The following LMBRD2 variants were observed in gnomAD, a reference collection of about 807,000 sequenced individuals.
LMBRD2 encodes the protein G protein-coupled receptor-associated protein LMBRD2.
A neutral mutation model predicts 94.4 loss-of-function variants in LMBRD2; 55 were observed. The observed-to-expected ratio is 0.58, with a 90% CI of 0.47 to 0.73. The LOEUF (loss-of-function observed/expected upper bound fraction) is 0.73, where lower values mean the gene tolerates loss of function less well. Ranked by LOEUF, LMBRD2 falls within the 30% of genes least tolerant of loss-of-function variation. The probability of loss-of-function intolerance (pLI) is 0.00; values close to 1 mark genes in which losing one functional copy is unlikely to be tolerated. For missense variants in LMBRD2, 640 were observed against 831.9 expected (o/e 0.77, Z 2.84); for synonymous variants, 246 against 272.4 (o/e 0.90, Z 0.95).
chr5:36,122,359 A>G lies in LMBRD2; in HGVS notation c.1041T>C (p.Ala347=). 1 of 1,612,582 alleles carries G rather than the reference A, an allele frequency of 6.2e-7. No individual in the cohort carries two copies. Among genetic ancestry groups the G allele is most frequent in the East Asian group, 2.2e-5 (1 of 44,808 alleles). The change falls in exon 9 of 18, where the codon GCT becomes GCC. Residue 347 remains alanine (A), a synonymous_variant. Transcript: ENST00000296603. ...GAAAGGTGTGAACAAACTGATGAGT[A>G]GCACTAGTTTCATTTTTTGCTACAT... ...LEDVAKNETS[A]THQFVHTFQS...
At chr5:36,130,003 C>G (rs1036611947) in intron 6 of LMBRD2, among the ~76,000 whole-genome samples, 2 of 151,838 alleles carry the variant, frequency 1.3e-5, no homozygotes, top group African/African-American at 2.4e-5. Flanking sequence ...CACATGGACA[C>G]AGGAAGGGGA....
At chr5:36,146,095 T>C (rs1355208795) in intron 1 of LMBRD2, among the ~76,000 whole-genome samples, 1 of 152,218 alleles carries the variant, frequency 6.6e-6, no homozygotes, top group African/African-American at 2.4e-5. Context: ...GGGTTGTAGA[T>C]GAAGAAATAG....
At chr5:36,115,643 AT>A (rs537785105) in intron 11 of LMBRD2, among the ~76,000 whole-genome samples, 7 of 152,302 alleles carry the variant, frequency 4.6e-5, no homozygotes, top group Admixed American at 3.9e-4. Flanking sequence ...TTAAAAAAAA[AT>A]AATATGAGAT....
chr5:36,124,544 A>G (rs189732330), intron 6 of LMBRD2, among the ~76,000 whole-genome samples: 1 of 152,338 alleles, frequency 6.6e-6, no homozygotes, highest in East Asian at 1.9e-4. Flanking sequence ...AAAAGTCCAC[A>G]AAAGATCAGA....
chr5:36,123,694 A>G (rs1743940116), intron 7 of LMBRD2, among the ~76,000 whole-genome samples: 1 of 150,276 alleles, frequency 6.7e-6, no homozygotes, highest in African/African-American at 2.4e-5. Flanking sequence ...AATATAGTTA[A>G]GTTTATTATA....
chr5:36,111,313 T>C, intron 13 of LMBRD2, 55 bp from the exon 14 acceptor site: 1 of 1,161,646 alleles, frequency 8.6e-7, no homozygotes, highest in Non-Finnish European at 1.3e-6. Context: ...TGTAAATATT[T>C]AGATGAATTG....
chr5:36,104,326 C>T (rs1212431631), intron 17 of LMBRD2, among the ~76,000 whole-genome samples: 2 of 151,848 alleles, frequency 1.3e-5, no homozygotes, highest in African/African-American at 4.8e-5. Flanking sequence ...ATATGCATGA[C>T]AGAGTGAGAG....
In LMBRD2 at chr5:36,103,254, G is replaced by T. The variant is rs1743383328; in HGVS notation, c.*792C>A. ...TCATTAATGCCTAGGATTTATCCTTGAATATCATAATCAACATTTAAATCA... is the reference window on the plus strand; with the variant it reads ...TCATTAATGCCTAGGATTTATCCTTTAATATCATAATCAACATTTAAATCA... On this transcript the variant is annotated 3_prime_UTR_variant, in exon 18 of 18. Coordinates refer to ENST00000296603, the MANE Select transcript of LMBRD2 (RefSeq NM_001007527.2). 1 of 152,036 alleles carries T rather than the reference G, an allele frequency of 6.6e-6. No individual in the cohort carries two copies. The highest frequency in any genetic ancestry group is 1.9e-4 in the East Asian group (1 of 5,186). 9.4% of individuals were successfully genotyped at this position (152,036 alleles called of 1,614,324 possible). A position where few individuals can be genotyped will look rare whatever the true frequency, so the allele number is the denominator to read the frequency against.
At chr5:36,127,060 A>C (rs942945325) in intron 6 of LMBRD2, among the ~76,000 whole-genome samples, 1 of 152,232 alleles carries the variant, frequency 6.6e-6, no homozygotes, top group African/African-American at 2.4e-5. Flanking sequence ...GAGCATTTTC[A>C]TCATTCATGT....
intron 1 of LMBRD2, among the ~76,000 whole-genome samples, 177 bp from the exon 2 acceptor site, chr5:36,143,583 ATTT>A (rs1744468857): frequency 2.0e-5 from 3 of 152,220 alleles, no homozygotes; most frequent in Admixed American, 2.0e-4. Flanking sequence ...AAGTACTTAT[ATTT>A]TATTTTTAAA....
At chr5:36,115,180 G>A (rs1743711280) in intron 11 of LMBRD2, 60 bp from the exon 12 acceptor site, 1 of 981,340 alleles carries the variant, frequency 1.0e-6, no homozygotes, top group Non-Finnish European at 1.6e-6. Context: ...ACATTTTATA[G>A]TATACTGAGA....
At chr5:36,104,536 C>G (rs1277644039) in intron 17 of LMBRD2, among the ~76,000 whole-genome samples, 2 of 152,028 alleles carry the variant, frequency 1.3e-5, no homozygotes. Flanking sequence ...AGTACAGACT[C>G]TGTAGCCAGA....
At chr5:36,113,721 G>A (rs1452449988) in intron 13 of LMBRD2, among the ~76,000 whole-genome samples, 1 of 152,078 alleles carries the variant, frequency 6.6e-6, no homozygotes, top group Non-Finnish European at 1.5e-5. Context: ...TTTTGAAAAA[G>A]TGGTATTTTG....
chr5:36,146,921 C>CAT lies in LMBRD2; in HGVS notation c.-57-3516_-57-3515insAT, dbSNP rs1554083532. Among the ~76,000 whole-genome samples the CAT allele has an allele frequency of 8.0e-5, 6 of 74,948 alleles. No individual in the cohort carries two copies. In the East Asian group the frequency reaches 2.1e-3, roughly 26 times the overall value. The allele number at this position is 74,948 out of a possible 152,430, so 49.2% of individuals were successfully genotyped here. ...ATCTCCTCACTCACTTCTCTCTCTG[C>CAT]GTGTGTGTGTGTGTGTGTGAGTGTG... On this transcript the variant is annotated intron_variant, in intron 1 of 17. Transcript: ENST00000296603.
intron 9 of LMBRD2, among the ~76,000 whole-genome samples, chr5:36,119,077 T>C (rs2111866245): frequency 1.3e-5 from 2 of 152,316 alleles, no homozygotes; most frequent in East Asian, 3.9e-4. Context: ...TATTTTTAGT[T>C]CATTTACTGA....
intron 5 of LMBRD2, 60 bp from the exon 6 acceptor site, chr5:36,136,579 CATAA>C (rs1404341386): frequency 7.2e-7 from 1 of 1,388,332 alleles, no homozygotes; most frequent in Non-Finnish European, 1.0e-6. Context: ...AATGCGACTG[CATAA>C]ATAGACTTTA....
In LMBRD2 at chr5:36,099,497, C is replaced by T. The variant is rs956361565; in HGVS notation, c.*4549G>A. ...CCCCTACAACTTGGTATGCTAAGTACGGAAGATGCTTGCCAGCATTGTTGA... is the reference window on the plus strand; with the variant it reads ...CCCCTACAACTTGGTATGCTAAGTATGGAAGATGCTTGCCAGCATTGTTGA... On this transcript the variant is annotated 3_prime_UTR_variant, in exon 18 of 18. Transcript: ENST00000296603. 9 of 152,046 alleles carry T rather than the reference C, an allele frequency of 5.9e-5. No individual in the cohort carries two copies. Among genetic ancestry groups the T allele is most frequent in the Non-Finnish European group, 1.2e-4 (8 of 67,996 alleles). The allele number at this position is 152,046 out of a possible 1,614,324, so 9.4% of individuals were successfully genotyped here.
intron 6 of LMBRD2, among the ~76,000 whole-genome samples, chr5:36,128,624 C>T (rs1021921649): frequency 6.6e-6 from 1 of 152,082 alleles, no homozygotes; most frequent in African/African-American, 2.4e-5. Flanking sequence ...ACTTGGGAGG[C>T]TGACGTGAGA....
chr5:36,132,422 C>CT (rs1744175812), intron 6 of LMBRD2, among the ~76,000 whole-genome samples: 1 of 151,898 alleles, frequency 6.6e-6, no homozygotes, highest in Non-Finnish European at 1.5e-5. Context: ...TAGTAATAAC[C>CT]TACAAGCACA....
Sources: gnomAD v4.1 joint callset for allele counts (sites outside exome capture counted in the v4.1 genomes callset) on GRCh38, gnomAD v4.1.1 for gene constraint, MANE v1.5 for transcripts, NCBI Gene and HGNC (gene_info 2026-07-23, HGNC 2026-07-21) for gene names.